The following SH3RF3 variants were observed in gnomAD, a reference collection of about 807,000 sequenced individuals.
The protein encoded by SH3RF3 is E3 ubiquitin-protein ligase SH3RF3.
SH3RF3 carries 29 observed loss-of-function variants against 66.3 expected under a neutral mutation model. That is an observed-to-expected ratio of 0.44 (90% CI 0.33 to 0.60). SH3RF3 has a LOEUF of 0.60. Among genes scored for constraint, SH3RF3 ranks in the 20% least tolerant of loss-of-function variants. The pLI, the probability that SH3RF3 is intolerant of heterozygous loss-of-function variation, is 0.04. For synonymous variants in SH3RF3, 583 were observed against 532.0 expected (o/e 1.10, Z -1.32); for missense variants, 1,194 against 1,190.9 (o/e 1.00, Z -0.04).
intron 5 of SH3RF3, among the ~76,000 whole-genome samples, chr2:109,429,653 A>C (rs1381030355): frequency 6.6e-6 from 1 of 151,866 alleles, no homozygotes; most frequent in Non-Finnish European, 1.5e-5. Flanking sequence ...GCTGTGCCCC[A>C]GGCCGCGCTG....
rs567999271 is a variant in SH3RF3 at position 109,432,612 on chromosome 2, G to A, written c.1515G>A (p.Ala505=). Residue 505 remains alanine, a synonymous_variant, in exon 6 of 10, where the codon GCG becomes GCA. Coordinates refer to ENST00000309415, the MANE Select transcript of SH3RF3 (RefSeq NM_001099289.3). Reference sequence around the variant, plus strand: ...GTCAGGATGGCTGGTTCAAGGGGGCGTCTCTGAGGACCGGGGTCTCTGGGG... The same window carrying A: ...GTCAGGATGGCTGGTTCAAGGGGGCATCTCTGAGGACCGGGGTCTCTGGGG... ...EKCQDGWFKG[A]SLRTGVSGVF... 91 of 1,613,232 alleles carry A rather than the reference G, an allele frequency of 5.6e-5. 2 individuals carry two copies. In the Middle Eastern group the frequency reaches 6.6e-4, roughly 12 times the overall value.
At chr2:109,451,087 C>T (rs1478331281) in intron 8 of SH3RF3, among the ~76,000 whole-genome samples, 2 of 152,234 alleles carry the variant, frequency 1.3e-5, no homozygotes, top group African/African-American at 2.4e-5. Context: ...CGCAGGGCCT[C>T]AGCACCTCCT....
intron 1 of SH3RF3, among the ~76,000 whole-genome samples, chr2:109,294,732 C>A (rs371293291): frequency 1.3e-5 from 2 of 152,116 alleles, no homozygotes; most frequent in African/African-American, 4.8e-5. Flanking sequence ...ACAGGGGAAG[C>A]TAGGGCCACA....
At chr2:109,345,211 C>T (rs1174278627) in intron 1 of SH3RF3, among the ~76,000 whole-genome samples, 2 of 152,118 alleles carry the variant, frequency 1.3e-5, no homozygotes, top group Admixed American at 6.5e-5. Flanking sequence ...AAGTTGGGGC[C>T]GCAGTTACAC....
intron 4 of SH3RF3, among the ~76,000 whole-genome samples, chr2:109,414,475 CAGA>C (rs1469837867): frequency 6.6e-6 from 1 of 152,144 alleles, no homozygotes; most frequent in Non-Finnish European, 1.5e-5. Context: ...ATGGTCAGAG[CAGA>C]AGTTCATGAC....
intron 1 of SH3RF3, among the ~76,000 whole-genome samples, chr2:109,315,445 T>A (rs1348110262): frequency 2.6e-5 from 4 of 152,244 alleles, no homozygotes; most frequent in Non-Finnish European, 4.4e-5. Context: ...AAGCAATAGC[T>A]TGTGTCTGTA....
chr2:109,215,205 C>T (rs897638804), intron 1 of SH3RF3, among the ~76,000 whole-genome samples: 1 of 152,166 alleles, frequency 6.6e-6, no homozygotes, highest in Non-Finnish European at 1.5e-5. Flanking sequence ...CTGTAACCTC[C>T]CCTCATGGTC....
chr2:109,341,832 G>T (rs1037112189), intron 1 of SH3RF3, among the ~76,000 whole-genome samples: 1 of 152,168 alleles, frequency 6.6e-6, no homozygotes, highest in Non-Finnish European at 1.5e-5. Flanking sequence ...CAGAAATGTG[G>T]ACACCTACCC....
At chr2:109,465,027 G>A (rs377600767) in intron 8 of SH3RF3, among the ~76,000 whole-genome samples, 13 of 152,300 alleles carry the variant, frequency 8.5e-5, no homozygotes, top group African/African-American at 3.1e-4. Context: ...TGCCTTCATA[G>A]ATTTGCCTTT....
chr2:109,296,520 G>A (rs1208250109), intron 1 of SH3RF3, among the ~76,000 whole-genome samples: 2 of 152,110 alleles, frequency 1.3e-5, no homozygotes, highest in Admixed American at 6.5e-5. Context: ...GAGATTACAG[G>A]TGTGAGCCTC....
chr2:109,183,922 A>T (rs1678126876), intron 1 of SH3RF3, among the ~76,000 whole-genome samples: 1 of 152,136 alleles, frequency 6.6e-6, no homozygotes, highest in East Asian at 1.9e-4. Flanking sequence ...CTGTGCCCCC[A>T]CACCTACCAG....
rs1464890809 is a variant in SH3RF3, at chr2:109,503,232, T to C, written c.*1561T>C. ...CCACCTATATTTTTACAAATACCAT[T>C]CAGACTTAAATTAAGCTGAAGAAAC... On this transcript the variant is annotated 3_prime_UTR_variant, in exon 10 of 10. Coordinates refer to ENST00000309415, the MANE Select transcript of SH3RF3 (RefSeq NM_001099289.3). 1 of 152,264 alleles carries C rather than the reference T, an allele frequency of 6.6e-6. No homozygotes were observed. The highest frequency in any genetic ancestry group is 1.5e-5 in the Non-Finnish European group (1 of 68,048). 9.4% of individuals were successfully genotyped at this position (152,264 alleles called of 1,614,324 possible).
intron 8 of SH3RF3, among the ~76,000 whole-genome samples, chr2:109,470,618 G>A (rs913906325): frequency 5.3e-5 from 8 of 152,222 alleles, no homozygotes; most frequent in African/African-American, 1.9e-4. Flanking sequence ...GTTACACCAA[G>A]CTCCCTGGAC....
intron 1 of SH3RF3, among the ~76,000 whole-genome samples, chr2:109,189,081 C>G (rs1324285244): frequency 6.6e-6 from 1 of 152,164 alleles, no homozygotes; most frequent in Non-Finnish European, 1.5e-5. Flanking sequence ...CTCACTCCCC[C>G]TGAAGCCACT....
chr2:109,338,835 G>C (rs566985658), intron 1 of SH3RF3, among the ~76,000 whole-genome samples: 1 of 152,284 alleles, frequency 6.6e-6, no homozygotes, highest in Non-Finnish European at 1.5e-5. Context: ...GTGAGCCATT[G>C]CGCCAAGTCT....
At chr2:109,245,491 CCTTT>C (rs1679895139) in intron 1 of SH3RF3, among the ~76,000 whole-genome samples, 1 of 152,136 alleles carries the variant, frequency 6.6e-6, no homozygotes, top group Non-Finnish European at 1.5e-5. Flanking sequence ...TGATTATTTT[CCTTT>C]CTAAGAGTCA....
intron 1 of SH3RF3, among the ~76,000 whole-genome samples, chr2:109,220,952 A>G (rs72952038): frequency 3.3e-5 from 5 of 152,246 alleles, no homozygotes; most frequent in African/African-American, 1.2e-4. Context: ...CCGGGACTGA[A>G]ACAGATATGT....
chr2:109,331,483 C>T (rs1158606059), intron 1 of SH3RF3, among the ~76,000 whole-genome samples: 1 of 152,072 alleles, frequency 6.6e-6, no homozygotes, highest in African/African-American at 2.4e-5. Flanking sequence ...CCTCAGGGCT[C>T]CCGCGTCTAC....
intron 1 of SH3RF3, among the ~76,000 whole-genome samples, chr2:109,343,420 C>A (rs1184881018): frequency 1.3e-5 from 2 of 152,074 alleles, no homozygotes; most frequent in African/African-American, 4.8e-5. Flanking sequence ...GGTTCATTCC[C>A]CCTCTTGGTT....
Sources: gnomAD v4.1 joint callset for allele counts (sites outside exome capture counted in the v4.1 genomes callset) on GRCh38, gnomAD v4.1.1 for gene constraint, MANE v1.5 for transcripts, NCBI Gene and HGNC (gene_info 2026-07-23, HGNC 2026-07-21) for gene names.